KCNH7: variants seen among roughly 807,000 people sequenced by gnomAD.
The protein encoded by KCNH7 is voltage-gated inwardly rectifying potassium channel KCNH7.
In KCNH7, 49 loss-of-function variants were observed where a neutral mutation model predicts 120.8. That is an observed-to-expected ratio of 0.41 (90% confidence interval 0.32 to 0.51). The LOEUF (loss-of-function observed/expected upper bound fraction) is 0.51. Ranked by LOEUF, KCNH7 falls within the 20% of genes least tolerant of loss-of-function variation. KCNH7 has a pLI of 0.38. For synonymous variants in KCNH7, 547 were observed against 516.1 expected, an observed-to-expected ratio of 1.06 and a Z score of -0.81; for missense variants, 1,097 against 1,446.6, an observed-to-expected ratio of 0.76 and a Z score of 3.92.
chr2:162,510,286 T>C lies in KCNH7; in HGVS notation c.913+2368A>G, dbSNP rs190318918. 2.7e-3 allele frequency among the ~76,000 whole-genome samples: 406 copies of C among 151,608 alleles called. 1 individual carries two copies. The highest frequency in any genetic ancestry group is 3.5e-3 in the Non-Finnish European group (236 of 67,668). ...CTAAGAAAGAAGATTAAGTGGAAAT[T>C]AGTTTTAGAAAAAAGAGTACCAATT... On this transcript the variant is annotated intron_variant, in intron 5 of 15. Transcript: ENST00000332142.
At chr2:162,562,969 GA>G (rs1693126310) in intron 2 of KCNH7, among the ~76,000 whole-genome samples, 1 of 152,174 alleles carries the variant, frequency 6.6e-6, no homozygotes, top group South Asian at 2.1e-4. Flanking sequence ...ATAGTTCGAG[GA>G]TGAGGGTAGG....
intron 6 of KCNH7, among the ~76,000 whole-genome samples, chr2:162,481,517 T>C (rs1689928463): frequency 1.3e-5 from 2 of 152,156 alleles, no homozygotes; most frequent in African/African-American, 4.8e-5. Context: ...CAGTTCAGGA[T>C]GGTCTTATCT....
At chr2:162,419,434 C>A (rs1344330469) in intron 9 of KCNH7, among the ~76,000 whole-genome samples, 1 of 152,006 alleles carries the variant, frequency 6.6e-6, no homozygotes, top group African/African-American at 2.4e-5. Flanking sequence ...GCACATTTAG[C>A]ATATTTGAGT....
At position 162,647,555 on chromosome 2, in the gene KCNH7, G is replaced by C. The variant is rs549197513; in HGVS notation, c.308-110475C>G. Among the ~76,000 whole-genome samples, 3 of 152,182 alleles carry C rather than the reference G, an allele frequency of 2.0e-5. No homozygotes were observed. The East Asian group carries it at 5.8e-4, about 29-fold the overall frequency. ...AGGGCCAGGTGGAGATAATTGAATC[G>C]CGAAGGTGGTTTCCCCCATACTGTT... On this transcript the variant is annotated intron_variant, in intron 2 of 15. Transcript: ENST00000332142.
intron 6 of KCNH7, among the ~76,000 whole-genome samples, chr2:162,464,755 T>C (rs1689255718): frequency 6.6e-6 from 1 of 152,080 alleles, no homozygotes; most frequent in African/African-American, 2.4e-5. Flanking sequence ...CAATGTCTTT[T>C]AACATAACTC....
intron 2 of KCNH7, among the ~76,000 whole-genome samples, chr2:162,667,440 C>A (rs1290172656): frequency 1.3e-5 from 2 of 152,002 alleles, no homozygotes; most frequent in Non-Finnish European, 2.9e-5. Flanking sequence ...ATATCCAAAT[C>A]CCTCACCATG....
At chr2:162,681,988 T>G (rs114544430) in intron 2 of KCNH7, among the ~76,000 whole-genome samples, 1,626 of 151,784 alleles carry the variant, frequency 0.011, 25 homozygotes, top group African/African-American at 0.037. Flanking sequence ...TTTCTGTGTT[T>G]TTTTTCAAAA....
intron 2 of KCNH7, among the ~76,000 whole-genome samples, chr2:162,734,966 T>G (rs893755178): frequency 2.0e-5 from 3 of 152,164 alleles, no homozygotes; most frequent in African/African-American, 7.2e-5. Flanking sequence ...TTATTCTGCC[T>G]TGCATCCAAG....
intron 2 of KCNH7, among the ~76,000 whole-genome samples, chr2:162,608,633 C>G (rs866266895): frequency 2.6e-5 from 4 of 152,270 alleles, no homozygotes; most frequent in Admixed American, 1.3e-4. Context: ...ACCTAACATC[C>G]GCTGAAGGTT....
At chr2:162,734,400 T>C (rs1428798862) in intron 2 of KCNH7, among the ~76,000 whole-genome samples, 2 of 152,286 alleles carry the variant, frequency 1.3e-5, no homozygotes, top group African/African-American at 4.8e-5. Context: ...AATGAGAAAT[T>C]ATAGTGATCA....
chr2:162,572,973 A>T (rs1461633766), intron 2 of KCNH7, among the ~76,000 whole-genome samples: 1 of 152,086 alleles, frequency 6.6e-6, no homozygotes, highest in Admixed American at 6.6e-5. Flanking sequence ...GGTGCAGTGC[A>T]CCAGCATGGC....
intron 6 of KCNH7, among the ~76,000 whole-genome samples, chr2:162,487,154 ACG>A (rs1690125023): frequency 2.0e-5 from 3 of 152,202 alleles, no homozygotes; most frequent in Non-Finnish European, 4.4e-5. Flanking sequence ...TCGTGTTAAT[ACG>A]AATTCATATG....
rs377211640 is a variant in KCNH7 at position 162,416,853 on chromosome 2, G to T, written c.2154+6483C>A. The stretch of plus-strand genomic sequence containing the variant: ...GCTCACCTGGATAATAGGACCCCAA[G>T]ATGCAAAGTAAAGGAGATTTCTTTT... On this transcript the variant is annotated intron_variant, in intron 9 of 15. Transcript: ENST00000332142. Among the ~76,000 whole-genome samples, 14 of 152,222 alleles carry T rather than the reference G, an allele frequency of 9.2e-5. No homozygotes were observed. In the South Asian group the frequency reaches 1.5e-3, roughly 16 times the overall value.
intron 2 of KCNH7, among the ~76,000 whole-genome samples, chr2:162,658,553 T>C (rs990244789): frequency 2.6e-5 from 4 of 152,122 alleles, no homozygotes; most frequent in African/African-American, 9.7e-5. Context: ...GAATTTTGAT[T>C]GAGATTGTGC....
At chr2:162,657,547 C>T (rs1425016355) in intron 2 of KCNH7, among the ~76,000 whole-genome samples, 4 of 152,044 alleles carry the variant, frequency 2.6e-5, no homozygotes, top group Non-Finnish European at 5.9e-5. Flanking sequence ...AATATTCCAT[C>T]GTATGGATGC....
chr2:162,809,432 G>A (rs979055136), intron 2 of KCNH7, among the ~76,000 whole-genome samples: 1 of 152,042 alleles, frequency 6.6e-6, no homozygotes, highest in Non-Finnish European at 1.5e-5. Flanking sequence ...AGAAATTATT[G>A]TTCTGCCTCT....
At chr2:162,630,485 A>G (rs1683726953) in intron 2 of KCNH7, among the ~76,000 whole-genome samples, 1 of 152,066 alleles carries the variant, frequency 6.6e-6, no homozygotes. Flanking sequence ...AGACATGGAA[A>G]AAAAAGACGC....
intron 2 of KCNH7, among the ~76,000 whole-genome samples, chr2:162,702,462 C>T (rs1483275412): frequency 6.6e-6 from 1 of 152,106 alleles, no homozygotes; most frequent in Non-Finnish European, 1.5e-5. Context: ...TTAATACAGT[C>T]AATGGAATTA....
intron 2 of KCNH7, among the ~76,000 whole-genome samples, chr2:162,805,372 C>CA (rs770313643): frequency 1.1e-4 from 16 of 150,614 alleles, no homozygotes; most frequent in African/African-American, 1.9e-4. Context: ...ATAAGGAACT[C>CA]AAAAAAAATC....
Sources: allele counts gnomAD v4.1 joint callset (sites outside exome capture counted in the v4.1 genomes callset), GRCh38; gene constraint gnomAD v4.1.1; transcripts MANE v1.5; gene names NCBI Gene and HGNC (gene_info 2026-07-23, HGNC 2026-07-21).